The following TLX1 variants were observed in gnomAD, a reference collection of about 807,000 sequenced individuals.
The protein encoded by TLX1 is T-cell leukemia homeobox protein 1.
Under a neutral mutation model 26.5 loss-of-function variants are expected in TLX1, and 6 were observed. The observed-to-expected ratio is 0.23, with a 90% CI of 0.12 to 0.45. The LOEUF is 0.45. TLX1 is among the 20% of genes least tolerant of loss of function. TLX1 has a pLI of 0.99. For synonymous variants in TLX1, 217 were observed against 219.7 expected, an observed-to-expected ratio of 0.99 and a Z score of 0.11; for missense variants, 418 against 482.6, an observed-to-expected ratio of 0.87 and a Z score of 1.25.
chr10:101,131,516 G>A lies in TLX1; in HGVS notation c.-26G>A. On this transcript the variant is annotated 5_prime_UTR_variant, in exon 1 of 3. Coordinates refer to ENST00000370196, the MANE Select transcript of TLX1 (RefSeq NM_005521.4). Reference sequence around the variant, plus strand: ...CGAGCGCAGCGAGCGCCGCCGCCCGGGCCCCCCGGTGGGGCCAGGGCCAGC... The same window carrying A: ...CGAGCGCAGCGAGCGCCGCCGCCCGAGCCCCCCGGTGGGGCCAGGGCCAGC... The A allele has an allele frequency of 5.7e-6, 8 of 1,415,590 alleles. No homozygotes were observed. The highest frequency in any genetic ancestry group is 7.4e-6 in the Non-Finnish European group (8 of 1,086,504). The allele number at this position is 1,415,590 out of a possible 1,614,324, so 87.7% of individuals were successfully genotyped here.
chr10:101,131,523 C>A lies in TLX1; in HGVS notation c.-19C>A, dbSNP rs1564675151. ...AGCGAGCGCCGCCGCCCGGGCCCCC[C>A]GGTGGGGCCAGGGCCAGCATGGAGC... On this transcript the variant is annotated 5_prime_UTR_variant, in exon 1 of 3. Coordinates refer to ENST00000370196, the MANE Select transcript of TLX1 (RefSeq NM_005521.4). The A allele has an allele frequency of 1.3e-5, 19 of 1,426,336 alleles. No individual in the cohort carries two copies. The highest frequency in any genetic ancestry group is 2.3e-4 in the Middle Eastern group (1 of 4,442). The allele number at this position is 1,426,336 out of a possible 1,614,324, so 88.4% of individuals were successfully genotyped here.
chr10:101,131,771 G>T lies in TLX1; in HGVS notation c.230G>T (p.Gly77Val). 1 of 1,394,946 alleles carries T rather than the reference G, an allele frequency of 7.2e-7. No homozygotes were observed. The highest frequency in any genetic ancestry group is 3.8e-5 in the Admixed American group (1 of 26,616). 86.4% of individuals were successfully genotyped at this position (1,394,946 alleles called of 1,614,324 possible). A position where few individuals can be genotyped will look rare whatever the true frequency, so the allele number is the denominator to read the frequency against. ...GGAGGAGCGGGGGCCTATGGTACTGGAGGTCCCGGCGGCCCCGGAGGCCCG... is the reference window on the plus strand; with the variant it reads ...GGAGGAGCGGGGGCCTATGGTACTGTAGGTCCCGGCGGCCCCGGAGGCCCG... ...GAGGAGAYGT[G>V]GPGGPGGPAG... The change falls in exon 1 of 3, where the codon GGA (glycine) becomes GTA (valine). Residue 77 changes from glycine (G) to valine (V), a missense_variant. This residue lies in a region of TLX1 where 322 missense variants were observed against 344.6 expected (regional missense o/e 0.93). Transcript: ENST00000370196.
At position 101,136,878 on chromosome 10, in the gene TLX1, A is replaced by G. The variant is rs1281023731; in HGVS notation, c.958A>G (p.Thr320Ala). 3 of 1,613,526 alleles carry G rather than the reference A, an allele frequency of 1.9e-6. No individual in the cohort carries two copies. In the African/African-American group the frequency reaches 4.0e-5, roughly 22 times the overall value. The change falls in exon 3 of 3, where the codon ACT becomes GCT. Residue 320 changes from threonine to alanine, a missense_variant. By Grantham distance (58) the Thr-to-Ala change is moderately conservative (BLOSUM62 0). Coordinates refer to ENST00000370196, the MANE Select transcript of TLX1 (RefSeq NM_005521.4). ...GTGGTCTGACGACTCGACCAAAATCACTAGCGTCACGTCGGTGGCGTCGGC... is the reference window on the plus strand; with the variant it reads ...GTGGTCTGACGACTCGACCAAAATCGCTAGCGTCACGTCGGTGGCGTCGGC... ...QPWSDDSTKI[T>A]SVTSVASACE
chr10:101,134,407 G>T (rs374843282), intron 2 of TLX1, 31 bp downstream of exon 2: 7 of 1,512,828 alleles, frequency 4.6e-6, no homozygotes, highest in Non-Finnish European at 6.2e-6. Context: ...GGCCGCCCGC[G>T]AGCGGCGCGG....
At chr10:101,136,569 T>C (rs1940297821) in intron 2 of TLX1, 122 bp from the exon 3 acceptor site, 2 of 1,545,434 alleles carry the variant, frequency 1.3e-6, no homozygotes, top group Admixed American at 1.7e-5. Flanking sequence ...CCAAACTGGA[T>C]TTGGGGACTG....
chr10:101,136,587 G>T, intron 2 of TLX1, 104 bp from the exon 3 acceptor site: 1 of 1,597,910 alleles, frequency 6.3e-7, no homozygotes, highest in Non-Finnish European at 8.5e-7. Flanking sequence ...CTGCAAAGGC[G>T]AGCAGCGCTC....
chr10:101,136,291 G>A (rs1940292187), intron 2 of TLX1, among the ~76,000 whole-genome samples: 1 of 152,210 alleles, frequency 6.6e-6, no homozygotes, highest in East Asian at 1.9e-4. Flanking sequence ...CCCTGGACTT[G>A]TGGGTAGGGT....
At position 101,132,164 on chromosome 10, in the gene TLX1, C is replaced by T; in HGVS notation, c.568+55C>T. 2 of 1,291,288 alleles carry T rather than the reference C, an allele frequency of 1.5e-6. No homozygotes were observed. 80.0% of individuals were successfully genotyped at this position (1,291,288 alleles called of 1,614,324 possible). A position where few individuals can be genotyped will look rare whatever the true frequency, so the allele number is the denominator to read the frequency against. On this transcript the variant is annotated intron_variant, in intron 1 of 2. Transcript: ENST00000370196. This position sits in a 1 kb window ranked among gnomAD's most constrained non-coding sequence, Gnocchi z 4.1. ...GCCGCGGCCCGGGCTCCGTGCTACCCCTGCCCCGCCGGGTGGCTCCCCAAA... is the reference window on the plus strand; with the variant it reads ...GCCGCGGCCCGGGCTCCGTGCTACCTCTGCCCCGCCGGGTGGCTCCCCAAA...
rs773093460 is a variant in TLX1 at position 101,131,799 on chromosome 10, A to AGGC, written c.269_271dup (p.Gly90dup). On this transcript the variant is annotated inframe_insertion, in exon 1 of 3. Coordinates refer to ENST00000370196, the MANE Select transcript of TLX1 (RefSeq NM_005521.4). ...GTCCCGGCGGCCCCGGAGGCCCGGCAGGCGGCGGCGGCGCCTGCAGCATGG... is the reference window on the plus strand; with the variant it reads ...GTCCCGGCGGCCCCGGAGGCCCGGCAGGCGGCGGCGGCGGCGCCTGCAGCATGG... 8.7e-5 allele frequency: 120 copies of AGGC among 1,387,240 alleles called. No homozygotes were observed. In the African/African-American group the frequency reaches 1.4e-3, roughly 16 times the overall value. The allele number at this position is 1,387,240 out of a possible 1,614,324, so 85.9% of individuals were successfully genotyped here.
intron 2 of TLX1, 165 bp from the exon 3 acceptor site, chr10:101,136,526 G>T: frequency 9.2e-7 from 1 of 1,085,408 alleles, no homozygotes; most frequent in East Asian, 2.5e-5. Context: ...TTGGAGTCAG[G>T]ACTCTCAAAA....
chr10:101,131,633 G>A lies in TLX1; in HGVS notation c.92G>A (p.Gly31Asp), dbSNP rs140202357. 9.6e-3 allele frequency: 15,157 copies of A among 1,572,998 alleles called. 124 individuals carry two copies. Among genetic ancestry groups the A allele is most frequent in the South Asian group, 0.019 (1,618 of 87,238 alleles). Residue 31 changes from glycine to aspartate, a missense_variant, in exon 1 of 3, where the codon GGT becomes GAT. Transcript: ENST00000370196. ...CAGATCCTCAACAGCCCGGACCAGG[G>A]TGGCTGCATGGGACCCGCCTCGCGC... The part of the protein sequence containing the change: ...IDQILNSPDQ[G>D]GCMGPASRLQ...
At chr10:101,133,031 G>A (rs959824727) in intron 1 of TLX1, 2 of 152,340 alleles carry the variant, frequency 1.3e-5, no homozygotes, top group African/African-American at 4.8e-5. Flanking sequence ...CCTAGACCAC[G>A]ATCCTTCCGT....
intron 1 of TLX1, among the ~76,000 whole-genome samples, chr10:101,133,288 G>A (rs2134303463): frequency 6.6e-6 from 1 of 152,390 alleles, no homozygotes. Context: ...AGCACAGCCA[G>A]GGAAACTGCT....
At chr10:101,136,151 G>C (rs773066264) in intron 2 of TLX1, among the ~76,000 whole-genome samples, 1 of 152,246 alleles carries the variant, frequency 6.6e-6, no homozygotes, top group African/African-American at 2.4e-5. Context: ...AAGCCAGTGG[G>C]TCCAGCAGGA....
rs1326329858 is a variant in TLX1, at chr10:101,137,679, G to A, written c.*766G>A. 1 of 233,230 alleles carries A rather than the reference G, an allele frequency of 4.3e-6. No individual in the cohort carries two copies. The highest frequency in any genetic ancestry group is 6.0e-5 in the East Asian group (1 of 16,558). The allele number at this position is 233,230 out of a possible 1,614,324, so 14.4% of individuals were successfully genotyped here. On this transcript the variant is annotated 3_prime_UTR_variant, in exon 3 of 3. Transcript: ENST00000370196. Reference sequence around the variant, plus strand: ...CCCATTTCTCCAGAACCCATTTGAGGGGTGGGGGGGTGTTAATTTATGCAC... The same window carrying A: ...CCCATTTCTCCAGAACCCATTTGAGAGGTGGGGGGGTGTTAATTTATGCAC...
In TLX1 at chr10:101,133,389, C is replaced by T. The variant is rs536034445; in HGVS notation, c.569-786C>T. Among the ~76,000 whole-genome samples the T allele has an allele frequency of 6.6e-5, 10 of 152,344 alleles. No individual in the cohort carries two copies. In the East Asian group the frequency reaches 1.9e-3, roughly 29 times the overall value. Reference sequence around the variant, plus strand: ...AGAACAGTTGCTTGGGTCTAGGCCTCAGGAAGGGCCCTCCCTAGAGGGGTC... The same window carrying T: ...AGAACAGTTGCTTGGGTCTAGGCCTTAGGAAGGGCCCTCCCTAGAGGGGTC... On this transcript the variant is annotated intron_variant, in intron 1 of 2. Coordinates refer to ENST00000370196, the MANE Select transcript of TLX1 (RefSeq NM_005521.4).
Position 101,137,160 on chromosome 10 carries a change from C to A in TLX1, c.*247C>A. ...GCACCTGTCTGAACTGTTAAGAAAT[C>A]TGTTTTTGTTTATTTCATTTTATTT... On this transcript the variant is annotated 3_prime_UTR_variant, in exon 3 of 3. Coordinates refer to ENST00000370196, the MANE Select transcript of TLX1 (RefSeq NM_005521.4). 1.9e-6 allele frequency: 1 copy of A among 525,636 alleles called. No homozygotes were observed. The highest frequency in any genetic ancestry group is 3.1e-5 in the East Asian group (1 of 32,778). 32.6% of individuals were successfully genotyped at this position (525,636 alleles called of 1,614,324 possible).
At chr10:101,134,411 G>A in intron 2 of TLX1, 35 bp downstream of exon 2, 1 of 1,509,650 alleles carries the variant, frequency 6.6e-7, no homozygotes, top group Non-Finnish European at 8.8e-7. Flanking sequence ...GCCCGCGAGC[G>A]GCGCGGTCTC....
In TLX1 at chr10:101,132,157, TG is replaced by T; in HGVS notation, c.568+49del. On this transcript the variant is annotated intron_variant, in intron 1 of 2. Transcript: ENST00000370196. This position sits in a 1 kb window ranked among gnomAD's most constrained non-coding sequence, Gnocchi z 4.1. ...CCGCCTGGCCGCGGCCCGGGCTCCG[TG>T]CTACCCCTGCCCCGCCGGGTGGCTC... is the stretch of plus-strand genomic sequence containing the variant. 7.6e-7 allele frequency: 1 copy of T among 1,307,508 alleles called. No homozygotes were observed. Among genetic ancestry groups the T allele is most frequent in the Non-Finnish European group, 9.7e-7 (1 of 1,030,094 alleles). The allele number at this position is 1,307,508 out of a possible 1,614,324, so 81.0% of individuals were successfully genotyped here. A position where few individuals can be genotyped will look rare whatever the true frequency, so the allele number is the denominator to read the frequency against.
Sources: gnomAD v4.1 joint callset for allele counts (sites outside exome capture counted in the v4.1 genomes callset) on GRCh38, gnomAD v4.1.1 for gene constraint, gnomAD v4.1.1 regional missense constraint, Gnocchi (gnomAD v3.1) non-coding constraint, MANE v1.5 for transcripts, NCBI Gene and HGNC (gene_info 2026-07-23, HGNC 2026-07-21) for gene names.